Variants in CREM observed in about 807,000 individuals in gnomAD.
The protein encoded by CREM is cAMP-responsive element modulator.
Under a neutral mutation model 37.3 loss-of-function variants are expected in CREM, and 13 were observed. The observed-to-expected ratio is 0.35, with a 90% CI of 0.23 to 0.55. CREM has a LOEUF of 0.55. CREM is among the 20% of genes least tolerant of loss of function. The pLI, the probability that CREM is intolerant of heterozygous loss-of-function variation, is 0.88. For synonymous variants in CREM, 124 were observed against 120.2 expected (o/e 1.03, Z -0.21); for missense variants, 296 against 362.3 (o/e 0.82, Z 1.49).
chr10:35,185,760 C>T (rs1313613836), intron 5 of CREM, among the ~76,000 whole-genome samples: 3 of 152,200 alleles, frequency 2.0e-5, no homozygotes, highest in African/African-American at 7.2e-5. Context: ...ATCAGGGTGT[C>T]TCAACCTCAG....
At chr10:35,165,069 A>AT (rs796201729) in intron 3 of CREM, among the ~76,000 whole-genome samples, 22 of 150,986 alleles carry the variant, frequency 1.5e-4, no homozygotes, top group South Asian at 2.1e-4. Context: ...AAAAAAAAAA[A>AT]AAAAAAAAAG....
Position 35,137,778 on chromosome 10 carries a change from G to T in CREM, c.-54-4G>T. The T allele has an allele frequency of 2.2e-6, 3 of 1,351,042 alleles. No homozygotes were observed. The highest frequency in any genetic ancestry group is 3.0e-6 in the Non-Finnish European group (3 of 988,340). The allele number at this position is 1,351,042 out of a possible 1,614,324, so 83.7% of individuals were successfully genotyped here. On this transcript the variant is annotated splice_polypyrimidine_tract_variant and splice_region_variant and intron_variant, in intron 1 of 7. Coordinates refer to ENST00000685392, the MANE Select transcript of CREM (RefSeq NM_183011.2). ...CCCAATTCAACATTATAATTTTACT[G>T]CAGGATAAATAAAGAAAACAGGAAA...
chr10:35,145,627 A>G (rs894443369), intron 2 of CREM, among the ~76,000 whole-genome samples: 3 of 152,038 alleles, frequency 2.0e-5, no homozygotes, highest in Non-Finnish European at 2.9e-5. Flanking sequence ...CTAAAAATAC[A>G]AAATAGCTGG....
At chr10:35,190,763 G>A (rs1342137541) in intron 6 of CREM, among the ~76,000 whole-genome samples, 1 of 151,958 alleles carries the variant, frequency 6.6e-6, no homozygotes, top group African/African-American at 2.4e-5. Flanking sequence ...CCGGGTTCAC[G>A]CCATTCTTCT....
intron 6 of CREM, among the ~76,000 whole-genome samples, chr10:35,189,850 G>T (rs1019738823): frequency 6.6e-6 from 1 of 152,168 alleles, no homozygotes; most frequent in Admixed American, 6.5e-5. Context: ...TGTCTTGCAG[G>T]TATGATAAGC....
intron 5 of CREM, among the ~76,000 whole-genome samples, chr10:35,184,784 A>T (rs2094484244): frequency 6.6e-6 from 1 of 150,418 alleles, no homozygotes; most frequent in African/African-American, 2.4e-5. Context: ...GAAAAAAGGA[A>T]ACGAGTAAAG....
At chr10:35,205,924 C>G (rs1414831479) in intron 6 of CREM, among the ~76,000 whole-genome samples, 1 of 151,780 alleles carries the variant, frequency 6.6e-6, no homozygotes, top group African/African-American at 2.4e-5. Flanking sequence ...CACCACTGCA[C>G]TCCAGCCTGG....
At chr10:35,183,731 A>G (rs1232364033) in intron 5 of CREM, among the ~76,000 whole-genome samples, 1 of 152,244 alleles carries the variant, frequency 6.6e-6, no homozygotes, top group Non-Finnish European at 1.5e-5. Context: ...ATAAACATTT[A>G]CATGTGTATG....
rs545769978 is a variant in CREM, at chr10:35,147,942, A to G, written c.45-426A>G. 7.3e-4 allele frequency among the ~76,000 whole-genome samples: 111 copies of G among 152,338 alleles called. 1 individual carries two copies. Among genetic ancestry groups the G allele is most frequent in the African/African-American group, 2.6e-3 (108 of 41,574 alleles). Reference sequence around the variant, plus strand: ...CAGATAGTACAATTGGATGTCAGAAATGATTATTAGAAAGCTAGGTAAAAA... The same window carrying G: ...CAGATAGTACAATTGGATGTCAGAAGTGATTATTAGAAAGCTAGGTAAAAA... On this transcript the variant is annotated intron_variant, in intron 2 of 7. Transcript: ENST00000685392.
At chr10:35,162,065 T>C (rs1194437877) in intron 3 of CREM, among the ~76,000 whole-genome samples, 1 of 152,230 alleles carries the variant, frequency 6.6e-6, no homozygotes, top group East Asian at 1.9e-4. Context: ...AAGTATGGTA[T>C]GTATACACAA....
At chr10:35,137,979 T>C in intron 2 of CREM, 100 bp downstream of exon 2, 1 of 767,862 alleles carries the variant, frequency 1.3e-6, no homozygotes, top group Non-Finnish European at 1.9e-6. Flanking sequence ...CATGTATGTA[T>C]GTATATATAT....
chr10:35,195,208 G>A (rs1465188048), intron 6 of CREM: 1 of 1,614,014 alleles, frequency 6.2e-7, no homozygotes, highest in African/African-American at 1.3e-5. Context: ...AACTGGAGAT[G>A]ACACAGGTAA....
At chr10:35,129,587 T>A (rs904852661) in intron 1 of CREM, among the ~76,000 whole-genome samples, 4 of 152,362 alleles carry the variant, frequency 2.6e-5, no homozygotes, top group African/African-American at 9.6e-5. Flanking sequence ...AGGTTTATTG[T>A]TTAAGTGGAT....
rs569375728 is a variant in CREM, at chr10:35,163,422, G to A, written c.168+14931G>A. ...AAAGAGGCCAGGTATGATGGCTCAT[G>A]CCTGTAATCCCAACACTTTGGGAGG... On this transcript the variant is annotated intron_variant, in intron 3 of 7. Coordinates refer to ENST00000685392, the MANE Select transcript of CREM (RefSeq NM_183011.2). Among the ~76,000 whole-genome samples the A allele has an allele frequency of 8.5e-5, 13 of 152,208 alleles. 1 individual carries two copies. The South Asian group carries it at 2.7e-3, about 32-fold the overall frequency.
In CREM at chr10:35,169,436, A is replaced by T. The variant is rs917648289; in HGVS notation, c.169-9453A>T. Among the ~76,000 whole-genome samples, 10 of 152,312 alleles carry T rather than the reference A, an allele frequency of 6.6e-5. No individual in the cohort carries two copies. In the East Asian group the frequency reaches 1.5e-3, roughly 23 times the overall value. ...ATAAGAATGCTTGTGATTTTTGCAC[A>T]TTGATTTTGTATCCTGAGACTTTGC... On this transcript the variant is annotated intron_variant, in intron 3 of 7. Coordinates refer to ENST00000685392, the MANE Select transcript of CREM (RefSeq NM_183011.2).
intron 6 of CREM, 86 bp downstream of exon 6, chr10:35,188,474 T>G: frequency 8.0e-7 from 1 of 1,249,710 alleles, no homozygotes; most frequent in Non-Finnish European, 1.1e-6. Context: ...TTTTTTGAAA[T>G]AGATCGAAGG....
chr10:35,155,648 G>T (rs1486624695), intron 3 of CREM, among the ~76,000 whole-genome samples: 1 of 148,536 alleles, frequency 6.7e-6, no homozygotes, highest in Non-Finnish European at 1.5e-5. Context: ...TTTTTGTAGA[G>T]ATGGGAGTCT....
rs2095664761 is a variant in CREM at position 35,211,516 on chromosome 10, T to C, written c.*118T>C. 2 of 1,499,322 alleles carry C rather than the reference T, an allele frequency of 1.3e-6. No homozygotes were observed. Among genetic ancestry groups the C allele is most frequent in the Non-Finnish European group, 1.8e-6 (2 of 1,110,998 alleles). The allele number at this position is 1,499,322 out of a possible 1,614,324, so 92.9% of individuals were successfully genotyped here. ...TGACCCTTAAGAATCCAGTTTGGAT[T>C]AGTGTTTGAAATTGAATTGGGAATG... On this transcript the variant is annotated 3_prime_UTR_variant, in exon 8 of 8. Coordinates refer to ENST00000685392, the MANE Select transcript of CREM (RefSeq NM_183011.2).
chr10:35,132,768 C>T (rs771111057), intron 1 of CREM, among the ~76,000 whole-genome samples: 14 of 152,180 alleles, frequency 9.2e-5, no homozygotes, highest in Non-Finnish European at 1.8e-4. Context: ...GTCTCATCCC[C>T]GTCAATTGCA....
Sources: gnomAD v4.1 joint callset for allele counts (sites outside exome capture counted in the v4.1 genomes callset) on GRCh38, gnomAD v4.1.1 for gene constraint, MANE v1.5 for transcripts, NCBI Gene and HGNC (gene_info 2026-07-23, HGNC 2026-07-21) for gene names.